Variants in EYA3 observed in about 807,000 individuals in gnomAD.
The protein encoded by EYA3 is EYA transcriptional coactivator and phosphatase 3.
A neutral mutation model predicts 80.0 loss-of-function variants in EYA3; 39 were observed. The observed-to-expected ratio is 0.49, with a 90% CI of 0.38 to 0.64. The LOEUF is 0.64. Among genes scored for constraint, EYA3 ranks in the 30% least tolerant of loss-of-function variants. The pLI is 0.00. For missense variants in EYA3, 523 were observed against 676.1 expected (o/e 0.77, Z 2.51); for synonymous variants, 206 against 232.8 (o/e 0.88, Z 1.05).
chr1:27,987,330 G>T (rs978344154), intron 16 of EYA3, among the ~76,000 whole-genome samples: 1 of 152,168 alleles, frequency 6.6e-6, no homozygotes, highest in Admixed American at 6.5e-5. Flanking sequence ...TTCACTGTAC[G>T]TGTATACCAC....
chr1:28,040,819 A>G (rs1643730503), intron 4 of EYA3, among the ~76,000 whole-genome samples: 1 of 148,378 alleles, frequency 6.7e-6, no homozygotes, highest in Non-Finnish European at 1.5e-5. Flanking sequence ...GAAGGTCCAT[A>G]ACTAGTAAGA....
chr1:28,067,552 T>A lies in EYA3; in HGVS notation c.-68-9458A>T, dbSNP rs192347194. The stretch of plus-strand genomic sequence containing the variant: ...CAACTTTTTCCATTAGAAAAAAAAT[T>A]TCAGTTTTGAGGGAAAAGCATTTCA... On this transcript the variant is annotated intron_variant, in intron 1 of 17. Coordinates refer to ENST00000373871, the MANE Select transcript of EYA3 (RefSeq NM_001990.4). Among the ~76,000 whole-genome samples, 216 of 152,308 alleles carry A rather than the reference T, an allele frequency of 1.4e-3. 1 individual carries two copies. Among genetic ancestry groups the A allele is most frequent in the African/African-American group, 4.8e-3 (199 of 41,560 alleles).
chr1:28,017,213 A>T lies in EYA3; in HGVS notation c.526T>A (p.Ser176Thr). 6.2e-7 allele frequency: 1 copy of T among 1,613,930 alleles called. No individual in the cohort carries two copies. Residue 176 changes from serine to threonine, a missense_variant, in exon 8 of 18, where the codon TCT becomes ACT. Around this residue, in one of 2 missense-constraint regions of EYA3, gnomAD observed 304 missense variants for 343.3 expected, o/e 0.89. Transcript: ENST00000373871. ...QASSTNASLI[S>T]TSSTIANIPA... ...ATATTGGCAATTGTAGAAGAAGTAG[A>T]TATCAGGCTGGCATTTGTGCTTGAA...
At chr1:28,016,858 A>T (rs562568006) in intron 8 of EYA3, among the ~76,000 whole-genome samples, 2 of 152,354 alleles carry the variant, frequency 1.3e-5, no homozygotes, top group South Asian at 4.1e-4. Flanking sequence ...ACAGAAAAAT[A>T]AATCCCTACC....
intron 1 of EYA3, among the ~76,000 whole-genome samples, chr1:28,067,747 C>T (rs1033532344): frequency 2.6e-5 from 4 of 152,130 alleles, no homozygotes; most frequent in Admixed American, 6.5e-5. Context: ...GCAAAAGCAA[C>T]GAACTTCCAA....
At chr1:28,053,153 C>CAAAAAAAAAAAAAAAAAAAAAA (rs34075939) in intron 2 of EYA3, among the ~76,000 whole-genome samples, 2 of 72,508 alleles carry the variant, frequency 2.8e-5, no homozygotes, top group Non-Finnish European at 2.5e-5. Flanking sequence ...GACCCCGTCT[C>CAAAAAAAAAAAAAAAAAAAAAA]AAAAAAAAAA....
chr1:27,986,781 C>A (rs983589608), intron 16 of EYA3, among the ~76,000 whole-genome samples: 34 of 152,080 alleles, frequency 2.2e-4, no homozygotes, highest in African/African-American at 7.7e-4. Flanking sequence ...CGGCTCACTG[C>A]AACCTCCGCC....
chr1:28,012,083 A>T (rs943371583), intron 9 of EYA3, among the ~76,000 whole-genome samples: 2 of 152,170 alleles, frequency 1.3e-5, no homozygotes, highest in Admixed American at 1.3e-4. Flanking sequence ...GGTTATGTTA[A>T]TAAGTACCAT....
chr1:28,009,639 AAACAAC>A lies in EYA3; in HGVS notation c.909+1302_909+1307del, dbSNP rs374689783. Among the ~76,000 whole-genome samples, 14 of 108,136 alleles carry A rather than the reference AAACAAC, an allele frequency of 1.3e-4. No homozygotes were observed. Among genetic ancestry groups the A allele is most frequent in the East Asian group, 6.3e-4 (2 of 3,156 alleles). 70.9% of individuals were successfully genotyped at this position (108,136 alleles called of 152,430 possible). ...CACTCCAGCCTGAGACTCCATCTCAAAACAACAACAACAACAACAACAACAACAAAA... is the reference window on the plus strand; with the variant it reads ...CACTCCAGCCTGAGACTCCATCTCAAAACAACAACAACAACAACAACAAAA... On this transcript the variant is annotated intron_variant, in intron 10 of 17. Transcript: ENST00000373871. The surrounding 1 kb of genome is among the most constrained non-coding windows in gnomAD (Gnocchi z 4.8).
intron 10 of EYA3, 141 bp downstream of exon 10, chr1:28,010,806 G>A: frequency 4.4e-6 from 4 of 914,706 alleles, no homozygotes; most frequent in Middle Eastern, 3.5e-4. Context: ...TTTTAACGTG[G>A]CCAATTTAGT....
intron 7 of EYA3, among the ~76,000 whole-genome samples, chr1:28,024,681 A>AT (rs1346697550): frequency 6.6e-6 from 1 of 152,136 alleles, no homozygotes; most frequent in Non-Finnish European, 1.5e-5. Context: ...ATTAAAATTA[A>AT]TTTTGAAATT....
intron 6 of EYA3, among the ~76,000 whole-genome samples, chr1:28,029,065 C>A (rs1207969115): frequency 1.3e-5 from 2 of 152,174 alleles, no homozygotes; most frequent in African/African-American, 4.8e-5. Flanking sequence ...CCACATAATA[C>A]CTCTAAGATT....
At chr1:28,016,792 C>T (rs1183659278) in intron 8 of EYA3, among the ~76,000 whole-genome samples, 1 of 152,066 alleles carries the variant, frequency 6.6e-6, no homozygotes, top group Non-Finnish European at 1.5e-5. Context: ...TATCAAGTGC[C>T]TTTGATGTAA....
chr1:28,084,049 A>T (rs1645525812), intron 1 of EYA3, among the ~76,000 whole-genome samples: 1 of 152,356 alleles, frequency 6.6e-6, no homozygotes, highest in East Asian at 1.9e-4. Context: ...CTGTAGTAAG[A>T]TCTTCACGAT....
intron 8 of EYA3, among the ~76,000 whole-genome samples, chr1:28,016,806 G>A (rs576995991): frequency 2.6e-4 from 40 of 152,256 alleles, no homozygotes; most frequent in Middle Eastern, 3.4e-3. Flanking sequence ...GATGTAAGTG[G>A]CAGGCATTTT....
Position 28,072,668 on chromosome 1 carries a change from G to A in EYA3, c.-68-14574C>T, listed in dbSNP as rs114688949. On this transcript the variant is annotated intron_variant, in intron 1 of 17. Transcript: ENST00000373871. The stretch of plus-strand genomic sequence containing the variant: ...TCAGCCAGTCATGGAAAACAGTTTG[G>A]CAGTTCCTTATAAAGGTAAACATAC... 4.6e-3 allele frequency among the ~76,000 whole-genome samples: 700 copies of A among 152,274 alleles called. 5 individuals are homozygous for A. Among genetic ancestry groups the A allele is most frequent in the African/African-American group, 0.016 (670 of 41,552 alleles).
chr1:27,988,665 G>C lies in EYA3; in HGVS notation c.1419-9C>G, dbSNP rs377714136. 1 of 1,611,514 alleles carries C rather than the reference G, an allele frequency of 6.2e-7. No individual in the cohort carries two copies. Among genetic ancestry groups the C allele is most frequent in the Non-Finnish European group, 8.5e-7 (1 of 1,179,428 alleles). On this transcript the variant is annotated splice_polypyrimidine_tract_variant and intron_variant, in intron 15 of 17. Transcript: ENST00000373871. ...CATTCACACAATTCTTTCTATAAGG[G>C]AGTAAAAGGGAAAAGAAAAGGTGAA...
intron 2 of EYA3, among the ~76,000 whole-genome samples, chr1:28,056,209 A>G (rs750658921): frequency 6.6e-5 from 10 of 152,048 alleles, no homozygotes; most frequent in Non-Finnish European, 1.3e-4. Context: ...CTAAGCCCCT[A>G]TTTCTCCTGC....
At chr1:27,980,577 C>T (rs1639227974) in intron 16 of EYA3, among the ~76,000 whole-genome samples, 1 of 152,212 alleles carries the variant, frequency 6.6e-6, no homozygotes, top group Non-Finnish European at 1.5e-5. Context: ...AAACAGGACT[C>T]ACTCCAATAC....
Sources: gnomAD v4.1 joint callset for allele counts (sites outside exome capture counted in the v4.1 genomes callset) on GRCh38, gnomAD v4.1.1 for gene constraint, gnomAD v4.1.1 regional missense constraint, Gnocchi (gnomAD v3.1) non-coding constraint, MANE v1.5 for transcripts, NCBI Gene and HGNC (gene_info 2026-07-23, HGNC 2026-07-21) for gene names.